SIPA1L3: variants seen among roughly 807,000 people sequenced by gnomAD.
SIPA1L3 encodes the protein signal induced proliferation associated 1 like 3.
SIPA1L3 carries 59 observed loss-of-function variants against 150.1 expected under a neutral mutation model. The ratio of observed to expected loss-of-function variants is 0.39; its 90% confidence interval spans 0.32 to 0.49. The LOEUF (loss-of-function observed/expected upper bound fraction) is 0.49, where lower values mean the gene tolerates loss of function less well. Among genes scored for constraint, SIPA1L3 ranks in the 20% least tolerant of loss-of-function variants. The probability of loss-of-function intolerance (pLI) is 0.86; values close to 1 mark genes in which losing one functional copy is unlikely to be tolerated. For synonymous variants in SIPA1L3, 1,070 were observed against 1,077.6 expected (o/e 0.99, Z 0.14); for missense variants, 2,211 against 2,489.5 (o/e 0.89, Z 2.38).
At chr19:38,052,657 T>G (rs1409552152) in intron 2 of SIPA1L3, among the ~76,000 whole-genome samples, 1 of 152,248 alleles carries the variant, frequency 6.6e-6, no homozygotes, top group African/African-American at 2.4e-5. Flanking sequence ...TAATGGCCTG[T>G]CAGGGGCACC....
chr19:38,063,147 C>T (rs538105544), intron 2 of SIPA1L3, among the ~76,000 whole-genome samples: 2 of 152,356 alleles, frequency 1.3e-5, no homozygotes, highest in South Asian at 4.1e-4. Flanking sequence ...AGCCCTGGGT[C>T]AGGGGCCAGT....
intron 2 of SIPA1L3, among the ~76,000 whole-genome samples, chr19:38,080,020 C>A (rs1342928960): frequency 1.3e-5 from 2 of 152,130 alleles, no homozygotes; most frequent in Non-Finnish European, 2.9e-5. Flanking sequence ...GAAGCCAGAT[C>A]CTGCGGGGCT....
chr19:38,161,277 G>T (rs1350843269), intron 13 of SIPA1L3, among the ~76,000 whole-genome samples: 5 of 147,100 alleles, frequency 3.4e-5, no homozygotes, highest in African/African-American at 1.3e-4. Context: ...GGAGGCAGAG[G>T]TTGCAGTGAG....
chr19:38,204,517 C>T (rs1360635222), intron 21 of SIPA1L3, among the ~76,000 whole-genome samples: 1 of 152,210 alleles, frequency 6.6e-6, no homozygotes, highest in African/African-American at 2.4e-5. Context: ...GTAATCCCAG[C>T]ACTTTGGGAG....
intron 2 of SIPA1L3, among the ~76,000 whole-genome samples, chr19:38,029,790 G>A (rs1392580900): frequency 6.6e-6 from 1 of 151,382 alleles, no homozygotes; most frequent in East Asian, 1.9e-4. Context: ...GTAGAGGTGG[G>A]GTTTCTCCAT....
chr19:38,073,313 T>C (rs1166964196), intron 2 of SIPA1L3, among the ~76,000 whole-genome samples: 1 of 152,138 alleles, frequency 6.6e-6, no homozygotes, highest in African/African-American at 2.4e-5. Context: ...TGGGGGGACA[T>C]GCTTCACATC....
At chr19:38,201,519 G>A (rs995103282) in intron 19 of SIPA1L3, among the ~76,000 whole-genome samples, 1 of 152,156 alleles carries the variant, frequency 6.6e-6, no homozygotes, top group African/African-American at 2.4e-5. Context: ...TTTACTTGTG[G>A]ACCAAGTCAA....
In SIPA1L3 at chr19:38,119,508, T is replaced by G. The variant is rs1169720574; in HGVS notation, c.2494T>G (p.Cys832Gly). ...QEYLKDLAEN[C>G]VSNTPIDSTG... ...GTATCTCAAGGACCTGGCCGAAAAC[T>G]GTGTCTCCAACACCCCCATCGACTC... Residue 832 changes from cysteine to glycine, a missense_variant, in exon 9 of 22, where the codon TGT becomes GGT. Physicochemically the swap from Cys to Gly is radical, Grantham distance 159. Coordinates refer to ENST00000222345, the MANE Select transcript of SIPA1L3 (RefSeq NM_015073.3). 1 of 1,614,108 alleles carries G rather than the reference T, an allele frequency of 6.2e-7. No homozygotes were observed. The highest frequency in any genetic ancestry group is 2.2e-5 in the East Asian group (1 of 44,872).
intron 6 of SIPA1L3, 26 bp from the exon 7 acceptor site, chr19:38,106,511 G>A: frequency 6.7e-7 from 1 of 1,498,688 alleles, no homozygotes; most frequent in Non-Finnish European, 9.3e-7. Flanking sequence ...TTGGAAACAT[G>A]GTCCTAACTG....
chr19:38,164,368 T>G lies in SIPA1L3; in HGVS notation c.3781-111T>G. The G allele has an allele frequency of 2.0e-6, 2 of 1,013,738 alleles. No homozygotes were observed. Among genetic ancestry groups the G allele is most frequent in the Non-Finnish European group, 2.9e-6 (2 of 679,738 alleles). The allele number at this position is 1,013,738 out of a possible 1,614,324, so 62.8% of individuals were successfully genotyped here. ...ACGGCCAGTAGATGAGAAGCCAGGA[T>G]TTGAAGCTGTCTGGTCCCAGGGTTC... On this transcript the variant is annotated intron_variant, in intron 14 of 21. Transcript: ENST00000222345. The surrounding 1 kb of genome is among the most constrained non-coding windows in gnomAD (Gnocchi z 4.1).
At chr19:38,076,620 T>G (rs556356378) in intron 2 of SIPA1L3, among the ~76,000 whole-genome samples, 2 of 152,330 alleles carry the variant, frequency 1.3e-5, no homozygotes, top group Non-Finnish European at 2.9e-5. Context: ...AAGCCCTGAA[T>G]AACCTCAGGG....
At chr19:38,051,933 C>T (rs1969204618) in intron 2 of SIPA1L3, among the ~76,000 whole-genome samples, 1 of 152,160 alleles carries the variant, frequency 6.6e-6, no homozygotes. Flanking sequence ...CAGGCATTTA[C>T]AGGGGTAGAA....
chr19:38,072,443 C>A (rs1969744922), intron 2 of SIPA1L3, among the ~76,000 whole-genome samples: 1 of 152,178 alleles, frequency 6.6e-6, no homozygotes, highest in African/African-American at 2.4e-5. Context: ...GACTTTGTGT[C>A]CAACTTGATG....
intron 19 of SIPA1L3, chr19:38,199,763 G>A (rs1372817137): frequency 6.6e-6 from 1 of 152,038 alleles, no homozygotes; most frequent in Non-Finnish European, 1.5e-5. Context: ...ATATATGTGG[G>A]TTTTCCCTTG....
intron 2 of SIPA1L3, among the ~76,000 whole-genome samples, chr19:38,072,803 A>G (rs1331335139): frequency 6.6e-6 from 1 of 152,236 alleles, no homozygotes; most frequent in Non-Finnish European, 1.5e-5. Flanking sequence ...TCCACATTGG[A>G]GGGCTCTTGT....
intron 15 of SIPA1L3, among the ~76,000 whole-genome samples, chr19:38,176,977 A>C (rs999100689): frequency 2.8e-5 from 4 of 140,976 alleles, no homozygotes; most frequent in African/African-American, 9.8e-5. Context: ...GTCTCAAAAA[A>C]ACAAACAAAC....
chr19:38,142,490 C>CATCT, intron 11 of SIPA1L3, 83 bp from the exon 12 acceptor site: 1 of 1,445,046 alleles, frequency 6.9e-7, no homozygotes, highest in Non-Finnish European at 9.4e-7. Flanking sequence ...TCTGTCCATC[C>CATCT]ATCTGTCTGT....
chr19:38,006,758 C>A (rs374461370), intron 1 of SIPA1L3, among the ~76,000 whole-genome samples: 1 of 152,090 alleles, frequency 6.6e-6, no homozygotes, highest in African/African-American at 2.4e-5. Flanking sequence ...TGAGTATGAC[C>A]GGGCACACAC....
intron 1 of SIPA1L3, among the ~76,000 whole-genome samples, chr19:37,951,527 C>T (rs1247977943): frequency 6.6e-6 from 1 of 152,092 alleles, no homozygotes; most frequent in Non-Finnish European, 1.5e-5. Context: ...TTTTCATCTT[C>T]CTCTTTAAAC....
Sources: allele counts gnomAD v4.1 joint callset (sites outside exome capture counted in the v4.1 genomes callset), GRCh38; gene constraint gnomAD v4.1.1; non-coding constraint Gnocchi (gnomAD v3.1); transcripts MANE v1.5; gene names NCBI Gene and HGNC (gene_info 2026-07-23, HGNC 2026-07-21).